SMOC1: variants seen among roughly 807,000 people sequenced by gnomAD.
SMOC1 encodes SPARC-related modular calcium-binding protein 1.
A neutral mutation model predicts 56.3 loss-of-function variants in SMOC1; 22 were observed. The observed-to-expected ratio is 0.39, with a 90% CI of 0.28 to 0.56. The LOEUF is 0.56. Ranked by LOEUF, SMOC1 falls within the 20% of genes least tolerant of loss-of-function variation. SMOC1 has a pLI of 0.61. For synonymous variants in SMOC1, 193 were observed against 215.0 expected, an observed-to-expected ratio of 0.90 and a Z score of 0.89; for missense variants, 509 against 565.4, an observed-to-expected ratio of 0.90 and a Z score of 1.01.
chr14:69,920,820 G>A (rs1041735318), intron 1 of SMOC1, among the ~76,000 whole-genome samples: 5 of 152,316 alleles, frequency 3.3e-5, no homozygotes, highest in Admixed American at 1.3e-4. Flanking sequence ...TGGAGGAAGA[G>A]GACTTGCCCA....
At chr14:70,010,202 G>A (rs1303261501) in intron 7 of SMOC1, among the ~76,000 whole-genome samples, 1 of 152,240 alleles carries the variant, frequency 6.6e-6, no homozygotes, top group Non-Finnish European at 1.5e-5. Context: ...GCCTTGGAGG[G>A]TGGGGAGAAG....
chr14:69,967,587 T>C (rs1319353885), intron 3 of SMOC1, among the ~76,000 whole-genome samples: 4 of 152,220 alleles, frequency 2.6e-5, no homozygotes, highest in Non-Finnish European at 5.9e-5. Context: ...CTAGATCCTC[T>C]GCAAAAGGTA....
rs540217478 is a variant in SMOC1 at position 70,011,035 on chromosome 14, T to C, written c.857+89T>C. 79 of 1,483,696 alleles carry C rather than the reference T, an allele frequency of 5.3e-5. 1 individual carries two copies. The South Asian group carries it at 8.7e-4, about 16-fold the overall frequency. 91.9% of individuals were successfully genotyped at this position (1,483,696 alleles called of 1,614,324 possible). The stretch of plus-strand genomic sequence containing the variant: ...TCCCAGTGTTCCTGCCCTGGTCTGG[T>C]GGGAGATGAGTGCCTGGGAGAGCCA... On this transcript the variant is annotated intron_variant, in intron 8 of 11. Coordinates refer to ENST00000361956, the MANE Select transcript of SMOC1 (RefSeq NM_001034852.3).
At chr14:69,954,507 C>T (rs1883118467) in intron 3 of SMOC1, among the ~76,000 whole-genome samples, 1 of 152,204 alleles carries the variant, frequency 6.6e-6, no homozygotes, top group African/African-American at 2.4e-5. Context: ...AATGGTGGGA[C>T]AGAAAGGTGC....
chr14:69,943,305 C>A (rs1156231279), intron 1 of SMOC1, among the ~76,000 whole-genome samples: 3 of 152,208 alleles, frequency 2.0e-5, no homozygotes, highest in Non-Finnish European at 4.4e-5. Context: ...CCCTTATCTT[C>A]CCTCTTCCAT....
rs572104532 is a variant in SMOC1 at position 69,961,606 on chromosome 14, T to C, written c.378+8074T>C. On this transcript the variant is annotated intron_variant, in intron 3 of 11. Transcript: ENST00000361956. ...CATGTTGCCAAAGCTGTTCTTGAAC[T>C]CCTGAGCTCAAATGATATGCCCACC... Among the ~76,000 whole-genome samples the C allele has an allele frequency of 3.3e-5, 5 of 152,182 alleles. No homozygotes were observed. In the South Asian group the frequency reaches 1.0e-3, roughly 32 times the overall value.
chr14:69,994,523 T>C, intron 7 of SMOC1, 43 bp downstream of exon 7: 1 of 1,497,530 alleles, frequency 6.7e-7, no homozygotes, highest in Non-Finnish European at 9.3e-7. Context: ...CAGTCCATCC[T>C]TCCTTGCCCC....
At chr14:70,005,374 A>G (rs1566707637) in intron 7 of SMOC1, among the ~76,000 whole-genome samples, 1 of 152,078 alleles carries the variant, frequency 6.6e-6, no homozygotes, top group Non-Finnish European at 1.5e-5. Context: ...CTCCAGGCTT[A>G]TCCTCTCTTG....
chr14:69,928,989 C>T (rs1667684803), intron 1 of SMOC1, among the ~76,000 whole-genome samples: 1 of 152,202 alleles, frequency 6.6e-6, no homozygotes, highest in African/African-American at 2.4e-5. Context: ...TCTCTGTACA[C>T]TGGAGTGAAA....
At chr14:69,990,548 C>T (rs1188573181) in intron 5 of SMOC1, among the ~76,000 whole-genome samples, 1 of 152,158 alleles carries the variant, frequency 6.6e-6, no homozygotes, top group Non-Finnish European at 1.5e-5. Flanking sequence ...ATGTGCATTG[C>T]AGCTGCCAAA....
intron 1 of SMOC1, among the ~76,000 whole-genome samples, chr14:69,892,859 A>G (rs1884000596): frequency 6.6e-6 from 1 of 152,250 alleles, no homozygotes; most frequent in Non-Finnish European, 1.5e-5. Context: ...TAATACAATC[A>G]AATAATCAAC....
chr14:70,007,388 A>G (rs1885184552), intron 7 of SMOC1, among the ~76,000 whole-genome samples: 1 of 152,246 alleles, frequency 6.6e-6, no homozygotes, highest in African/African-American at 2.4e-5. Context: ...TGGATGAGTT[A>G]AATTTGGTTT....
intron 1 of SMOC1, among the ~76,000 whole-genome samples, chr14:69,943,657 T>C (rs1343766138): frequency 7.1e-6 from 1 of 140,750 alleles, no homozygotes; most frequent in Middle Eastern, 3.3e-3. Flanking sequence ...GTTCCAGGCA[T>C]TGGCTCCAAG....
chr14:69,914,643 T>C (rs1226270874), intron 1 of SMOC1, among the ~76,000 whole-genome samples: 4 of 152,212 alleles, frequency 2.6e-5, no homozygotes, highest in Non-Finnish European at 5.9e-5. Context: ...GCCATTATCA[T>C]GCGAGAAGAT....
intron 3 of SMOC1, among the ~76,000 whole-genome samples, chr14:69,956,613 C>A (rs1285357701): frequency 6.6e-6 from 1 of 151,990 alleles, no homozygotes; most frequent in Middle Eastern, 3.2e-3. Flanking sequence ...GGAGTGATGG[C>A]ACTCTAATGG....
intron 1 of SMOC1, among the ~76,000 whole-genome samples, chr14:69,905,812 T>C (rs747483978): frequency 2.1e-4 from 32 of 152,208 alleles, no homozygotes; most frequent in Non-Finnish European, 3.8e-4. Flanking sequence ...TTAGGTGGTG[T>C]CATGAATCAC....
intron 10 of SMOC1, among the ~76,000 whole-genome samples, chr14:70,020,950 C>T (rs537653610): frequency 6.6e-6 from 1 of 152,188 alleles, no homozygotes; most frequent in African/African-American, 2.4e-5. Context: ...GCCCCAGAAA[C>T]ACGTGTTGGA....
chr14:69,919,246 G>C (rs1028707709), intron 1 of SMOC1, among the ~76,000 whole-genome samples: 6 of 152,154 alleles, frequency 3.9e-5, no homozygotes, highest in Admixed American at 6.5e-5. Flanking sequence ...CTGGGACAGA[G>C]AGCATGCTCA....
intron 7 of SMOC1, among the ~76,000 whole-genome samples, chr14:69,995,644 C>T (rs12433177): frequency 0.43 from 64,701 of 152,012 alleles, 14,655 homozygotes; most frequent in African/African-American, 0.55. Context: ...TTCTCATTCA[C>T]AAAATGGGAA....
Sources: allele counts gnomAD v4.1 joint callset (sites outside exome capture counted in the v4.1 genomes callset), GRCh38; gene constraint gnomAD v4.1.1; transcripts MANE v1.5; gene names NCBI Gene and HGNC (gene_info 2026-07-23, HGNC 2026-07-21).